AXDND1: variants seen among roughly 807,000 people sequenced by gnomAD.
The protein encoded by AXDND1 is axonemal dynein light chain domain-containing protein 1.
A neutral mutation model predicts 137.5 loss-of-function variants in AXDND1; 110 were observed. That is an observed-to-expected ratio of 0.80 (90% CI 0.69 to 0.94). AXDND1 has a LOEUF of 0.94. Ranked by LOEUF, AXDND1 falls within the 40% of genes least tolerant of loss-of-function variation. The probability of loss-of-function intolerance (pLI) is 0.00; values close to 1 mark genes in which losing one functional copy is unlikely to be tolerated. For missense variants in AXDND1, 1,191 were observed against 1,169.8 expected (o/e 1.02, Z -0.26); for synonymous variants, 414 against 399.7 (o/e 1.04, Z -0.43).
At chr1:179,439,462 AGGG>A (rs1658669438) in intron 15 of AXDND1, among the ~76,000 whole-genome samples, 1 of 152,172 alleles carries the variant, frequency 6.6e-6, no homozygotes, top group Non-Finnish European at 1.5e-5. Flanking sequence ...AGGGGGAGTT[AGGG>A]GTCCTGGAGC....
At chr1:179,418,385 A>T (rs1410887511) in intron 12 of AXDND1, among the ~76,000 whole-genome samples, 4 of 152,222 alleles carry the variant, frequency 2.6e-5, no homozygotes, top group African/African-American at 9.6e-5. Context: ...TCCCATGTCT[A>T]CTTCTTTCTA....
At position 179,551,410 on chromosome 1, in the gene AXDND1, C is replaced by T. The variant is rs749023119; in HGVS notation, c.3032-3102C>T. ...CTGACAGAATCTCAGCTGCCATCCT[C>T]AGGGACTCAGAAGCAGCCTTTTCCG... On this transcript the variant is annotated intron_variant, in intron 25 of 25. Coordinates refer to ENST00000367618, the MANE Select transcript of AXDND1 (RefSeq NM_144696.6). 1.2e-6 allele frequency: 2 copies of T among 1,614,056 alleles called. No homozygotes were observed. The highest frequency in any genetic ancestry group is 1.7e-6 in the Non-Finnish European group (2 of 1,180,030).
In AXDND1 at chr1:179,418,568, G is replaced by A. The variant is rs1655067356; in HGVS notation, c.1230+7302G>A. Reference sequence around the variant, plus strand: ...TCCCCACTTCCCAGTAGGGGCGGCCGGGCAGAGGCACCCCTCACCTCCCGG... The same window carrying A: ...TCCCCACTTCCCAGTAGGGGCGGCCAGGCAGAGGCACCCCTCACCTCCCGG... On this transcript the variant is annotated intron_variant, in intron 12 of 25. Coordinates refer to ENST00000367618, the MANE Select transcript of AXDND1 (RefSeq NM_144696.6). Among the ~76,000 whole-genome samples, 7 of 152,086 alleles carry A rather than the reference G, an allele frequency of 4.6e-5. No homozygotes were observed. The South Asian group carries it at 1.2e-3, about 27-fold the overall frequency.
At chr1:179,421,035 CCCTTCCTTCCTTCCTT>C (rs143579938) in intron 12 of AXDND1, among the ~76,000 whole-genome samples, 6,710 of 134,754 alleles carry the variant, frequency 0.05, 219 homozygotes, top group Non-Finnish European at 0.069. Context: ...ATTTGGGTAT[CCCTTCCTTCCTTCCTT>C]CCTTCCTTCC....
chr1:179,519,859 C>T (rs1669890885), intron 21 of AXDND1, among the ~76,000 whole-genome samples: 1 of 152,046 alleles, frequency 6.6e-6, no homozygotes, highest in African/African-American at 2.4e-5. Flanking sequence ...AGGATTGCCT[C>T]ACTGTTCAGG....
chr1:179,484,910 A>G (rs1665854538), intron 18 of AXDND1, among the ~76,000 whole-genome samples: 1 of 152,152 alleles, frequency 6.6e-6, no homozygotes, highest in East Asian at 1.9e-4. Context: ...AGAGACTGCT[A>G]ACCTTGTGCC....
At chr1:179,374,143 C>T (rs1174112457) in intron 4 of AXDND1, among the ~76,000 whole-genome samples, 2 of 151,978 alleles carry the variant, frequency 1.3e-5, no homozygotes, top group Admixed American at 1.3e-4. Context: ...AAAAAAACAA[C>T]CCCTTCAAAA....
intron 9 of AXDND1, among the ~76,000 whole-genome samples, chr1:179,388,334 G>A (rs12734167): frequency 5.9e-5 from 9 of 152,038 alleles, no homozygotes; most frequent in African/African-American, 2.2e-4. Context: ...TCTTTCAGAA[G>A]TGTTGGGAAA....
chr1:179,399,962 A>G (rs968518155), intron 11 of AXDND1, among the ~76,000 whole-genome samples: 1 of 152,250 alleles, frequency 6.6e-6, no homozygotes, highest in Non-Finnish European at 1.5e-5. Context: ...GAACACTTCT[A>G]CACTGCTGGT....
intron 20 of AXDND1, among the ~76,000 whole-genome samples, chr1:179,501,447 C>T (rs969120051): frequency 6.6e-6 from 1 of 152,186 alleles, no homozygotes; most frequent in East Asian, 1.9e-4. Context: ...TGCAGTGGCT[C>T]ACGCCTGTAA....
At chr1:179,512,597 A>T (rs1353934717) in intron 21 of AXDND1, among the ~76,000 whole-genome samples, 1 of 152,096 alleles carries the variant, frequency 6.6e-6, no homozygotes, top group African/African-American at 2.4e-5. Context: ...TAATTATGTG[A>T]AGAATGATAG....
At chr1:179,444,771 A>G (rs1009369498) in intron 15 of AXDND1, among the ~76,000 whole-genome samples, 199 bp from the exon 16 acceptor site, 20 of 151,382 alleles carry the variant, frequency 1.3e-4, no homozygotes, top group Non-Finnish European at 2.7e-4. Context: ...GGGTTATCTC[A>G]TAGAGTACCA....
chr1:179,508,417 G>T (rs1382547482), intron 20 of AXDND1, among the ~76,000 whole-genome samples: 1 of 152,040 alleles, frequency 6.6e-6, no homozygotes, highest in Non-Finnish European at 1.5e-5. Flanking sequence ...GCCTACAGTG[G>T]GTCATTTCAC....
chr1:179,428,906 T>C (rs6702425), intron 12 of AXDND1, among the ~76,000 whole-genome samples: 97,620 of 151,900 alleles, frequency 0.64, 31,785 homozygotes, highest in Middle Eastern at 0.7. Flanking sequence ...CTGCCGGGCG[T>C]GGTGGCTCAC....
At position 179,411,211 on chromosome 1, in the gene AXDND1, A is replaced by C. The variant is rs1302613981; in HGVS notation, c.1175A>C (p.Lys392Thr). 1.2e-6 allele frequency: 2 copies of C among 1,612,782 alleles called. No homozygotes were observed. Among genetic ancestry groups the C allele is most frequent in the East Asian group, 2.2e-5 (1 of 44,762 alleles). Reference sequence around the variant, plus strand: ...GAAAGGATGGAGAATGATATGAAAAAGTTAGTGGCAGAAAGAGATATCTGG... The same window carrying C: ...GAAAGGATGGAGAATGATATGAAAACGTTAGTGGCAGAAAGAGATATCTGG... ...QRERMENDMK[K>T]LVAERDIWSS... is the part of the protein sequence containing the mutation. Residue 392 changes from lysine (K) to threonine (T), a missense_variant, in exon 12 of 26, where the codon AAG becomes ACG. Lys to Thr is a moderately conservative substitution (Grantham distance 78). Coordinates refer to ENST00000367618, the MANE Select transcript of AXDND1 (RefSeq NM_144696.6).
At chr1:179,378,567 A>G (rs921376938) in intron 4 of AXDND1, 70 bp from the exon 5 acceptor site, 1 of 1,247,648 alleles carries the variant, frequency 8.0e-7, no homozygotes, top group Non-Finnish European at 1.1e-6. Flanking sequence ...ATATGTGTGG[A>G]TCTCACCTGC....
chr1:179,517,811 T>A (rs1276699792), intron 21 of AXDND1, among the ~76,000 whole-genome samples: 1 of 152,240 alleles, frequency 6.6e-6, no homozygotes, highest in Non-Finnish European at 1.5e-5. Flanking sequence ...GTCTCCCAGG[T>A]CCTGCAGGAG....
chr1:179,411,913 G>T (rs1653960246), intron 12 of AXDND1, among the ~76,000 whole-genome samples: 1 of 151,800 alleles, frequency 6.6e-6, no homozygotes, highest in Admixed American at 6.6e-5. Context: ...GGTGAGTGGT[G>T]CAATCACAGC....
In AXDND1 at chr1:179,488,632, CTCCTTTCTTTCTTTCTTTCTTTCTTTCTT is replaced by C. The variant is rs1255642521; in HGVS notation, c.2092-2903_2092-2875del. Among the ~76,000 whole-genome samples the C allele has an allele frequency of 4.0e-3, 255 of 63,162 alleles. 35 individuals carry two copies. Among genetic ancestry groups the C allele is most frequent in the African/African-American group, 0.015 (241 of 16,482 alleles). 41.4% of individuals were successfully genotyped at this position (63,162 alleles called of 152,430 possible). A position where few individuals can be genotyped will look rare whatever the true frequency, so the allele number is the denominator to read the frequency against. On this transcript the variant is annotated intron_variant, in intron 18 of 25. Transcript: ENST00000367618. ...TCTTTCTTTCTTTCTCTCTCTCTCT[CTCCTTTCTTTCTTTCTTTCTTTCTTTCTT>C]TCTTTCTTTCTTTCTTTCTTTCTTT...
Sources: gnomAD v4.1 joint callset for allele counts (sites outside exome capture counted in the v4.1 genomes callset) on GRCh38, gnomAD v4.1.1 for gene constraint, MANE v1.5 for transcripts, NCBI Gene and HGNC (gene_info 2026-07-23, HGNC 2026-07-21) for gene names.